Variants in RNF150 observed in about 807,000 individuals in gnomAD.
RNF150 encodes the protein ring finger protein 150.
In RNF150, 24 loss-of-function variants were observed where a neutral mutation model predicts 39.3. The ratio of observed to expected loss-of-function variants is 0.61; its 90% CI spans 0.44 to 0.86. The LOEUF (loss-of-function observed/expected upper bound fraction) is 0.86, where lower values mean the gene tolerates loss of function less well. Among genes scored for constraint, RNF150 ranks in the 40% least tolerant of loss-of-function variants. The pLI is 0.00. For missense variants in RNF150, 502 were observed against 587.8 expected (o/e 0.85, Z 1.51); for synonymous variants, 255 against 227.3 (o/e 1.12, Z -1.10).
At chr4:140,931,643 C>A (rs1731641183) in intron 4 of RNF150, among the ~76,000 whole-genome samples, 1 of 152,202 alleles carries the variant, frequency 6.6e-6, no homozygotes, top group Non-Finnish European at 1.5e-5. Context: ...AGTGAGAAAG[C>A]ACACACGGAA....
chr4:140,988,014 A>G (rs1295789011), intron 1 of RNF150, among the ~76,000 whole-genome samples: 1 of 152,172 alleles, frequency 6.6e-6, no homozygotes, highest in African/African-American at 2.4e-5. Context: ...GCTCATCATC[A>G]CTGATCATTA....
rs140827614 is a variant in RNF150, at chr4:141,098,305, C to T, written c.484+34020G>A. Among the ~76,000 whole-genome samples the T allele has an allele frequency of 2.4e-3, 364 of 152,340 alleles. 1 individual carries two copies. The highest frequency in any genetic ancestry group is 3.4e-3 in the Middle Eastern group (1 of 294). On this transcript the variant is annotated intron_variant, in intron 1 of 6. Coordinates refer to ENST00000515673, the MANE Select transcript of RNF150 (RefSeq NM_020724.2). ...CTACTCTTCTGTACCCTCCAGCTCTCGGCCTCTGCCCTTGCCAGTGCACAG... is the reference window on the plus strand; with the variant it reads ...CTACTCTTCTGTACCCTCCAGCTCTTGGCCTCTGCCCTTGCCAGTGCACAG...
At position 141,132,200 on chromosome 4, in the gene RNF150, G is replaced by A. The variant is rs551828561; in HGVS notation, c.484+125C>T. 2 of 994,404 alleles carry A rather than the reference G, an allele frequency of 2.0e-6. No individual in the cohort carries two copies. Among genetic ancestry groups the A allele is most frequent in the South Asian group, 1.6e-5 (1 of 61,352 alleles). 61.6% of individuals were successfully genotyped at this position (994,404 alleles called of 1,614,324 possible). ...GCGGAGCAAAACTTAATCGGTCCAG[G>A]GAACCCAGACACGTCTTCCGCGCCG... is the stretch of plus-strand genomic sequence containing the variant. On this transcript the variant is annotated intron_variant, in intron 1 of 6. Transcript: ENST00000515673. The surrounding 1 kb of genome is among the most constrained non-coding windows in gnomAD (Gnocchi z 4.9).
intron 5 of RNF150, among the ~76,000 whole-genome samples, chr4:140,919,579 A>G (rs1731013488): frequency 6.6e-6 from 1 of 150,950 alleles, no homozygotes; most frequent in Non-Finnish European, 1.5e-5. Flanking sequence ...CATGGGTAGG[A>G]AGAATCAATA....
At chr4:140,928,565 G>A (rs1731487814) in intron 4 of RNF150, among the ~76,000 whole-genome samples, 1 of 151,864 alleles carries the variant, frequency 6.6e-6, no homozygotes, top group South Asian at 2.1e-4. Flanking sequence ...TTCTTTTTTT[G>A]AGACGGAGTC....
intron 5 of RNF150, among the ~76,000 whole-genome samples, chr4:140,922,893 G>T (rs1187602703): frequency 6.6e-6 from 1 of 150,726 alleles, no homozygotes; most frequent in Non-Finnish European, 1.5e-5. Flanking sequence ...TTAATAAACG[G>T]TGCTGGGAAA....
At chr4:141,075,611 C>T (rs1737865822) in intron 1 of RNF150, among the ~76,000 whole-genome samples, 1 of 152,188 alleles carries the variant, frequency 6.6e-6, no homozygotes, top group African/African-American at 2.4e-5. Context: ...TTTTTATATT[C>T]ACTGCAGCTT....
intron 1 of RNF150, among the ~76,000 whole-genome samples, chr4:141,017,411 T>C (rs762955850): frequency 6.6e-6 from 1 of 152,092 alleles, no homozygotes. Context: ...CCTTACACAC[T>C]CTTCCTACTT....
intron 6 of RNF150, among the ~76,000 whole-genome samples, chr4:140,899,974 C>CTCTCTCTCTCTGTGTGTGTGTGTG (rs1365683071): frequency 7.2e-5 from 5 of 69,220 alleles, no homozygotes; most frequent in African/African-American, 2.2e-4. Flanking sequence ...CTCTCTCTCT[C>CTCTCTCTCTCTGTGTGTGTGTGTG]TGTGTGTGTG....
At chr4:141,067,629 A>G (rs1737513784) in intron 1 of RNF150, among the ~76,000 whole-genome samples, 1 of 152,174 alleles carries the variant, frequency 6.6e-6, no homozygotes, top group African/African-American at 2.4e-5. Flanking sequence ...CTTTGTTCCT[A>G]ATGATCTACA....
intron 6 of RNF150, among the ~76,000 whole-genome samples, chr4:140,870,625 G>A (rs1440938666): frequency 1.3e-5 from 2 of 151,982 alleles, no homozygotes; most frequent in Non-Finnish European, 2.9e-5. Flanking sequence ...GGGTCGTGGC[G>A]TGCTGTTGTG....
rs192073108 is a variant in RNF150 at position 141,112,954 on chromosome 4, C to T, written c.484+19371G>A. ...ATTCTTTTTTCTCTAATCTTGTTTT[C>T]ACGCTTTATTTCATTAAGTTGATCT... is the stretch of plus-strand genomic sequence containing the variant. On this transcript the variant is annotated intron_variant, in intron 1 of 6. Coordinates refer to ENST00000515673, the MANE Select transcript of RNF150 (RefSeq NM_020724.2). 7.7e-3 allele frequency among the ~76,000 whole-genome samples: 1,169 copies of T among 152,104 alleles called. 5 individuals are homozygous for T. Among genetic ancestry groups the T allele is most frequent in the Non-Finnish European group, 0.013 (905 of 68,008 alleles).
In RNF150 at chr4:140,900,078, T is replaced by C. The variant is rs527833348; in HGVS notation, c.1198+11066A>G. Reference sequence around the variant, plus strand: ...AGTTTCTGCCATGATGGCAATTTATTTTGCACCAACCTAATAGCAGTGGAT... The same window carrying C: ...AGTTTCTGCCATGATGGCAATTTATCTTGCACCAACCTAATAGCAGTGGAT... On this transcript the variant is annotated intron_variant, in intron 6 of 6. Coordinates refer to ENST00000515673, the MANE Select transcript of RNF150 (RefSeq NM_020724.2). Among the ~76,000 whole-genome samples, 3 of 152,170 alleles carry C rather than the reference T, an allele frequency of 2.0e-5. No homozygotes were observed. In the South Asian group the frequency reaches 6.2e-4, roughly 32 times the overall value.
At chr4:141,135,384 G>A (rs1025600985), upstream of RNF150, among the ~76,000 whole-genome samples, 8 of 152,192 alleles carry the variant, frequency 5.3e-5, no homozygotes, top group Non-Finnish European at 1.0e-4. Context: ...CACTGGGAAA[G>A]TACAGAGTGA....
At chr4:141,047,075 T>A (rs1328938105) in intron 1 of RNF150, among the ~76,000 whole-genome samples, 1 of 152,116 alleles carries the variant, frequency 6.6e-6, no homozygotes, top group African/African-American at 2.4e-5. Context: ...CCTCAACTAG[T>A]TCACATCTAA....
At position 140,926,405 on chromosome 4, in the gene RNF150, C is replaced by T. The variant is rs1449874624; in HGVS notation, c.891-332G>A. Among the ~76,000 whole-genome samples, 5 of 152,298 alleles carry T rather than the reference C, an allele frequency of 3.3e-5. No individual in the cohort carries two copies. The South Asian group carries it at 6.2e-4, about 19-fold the overall frequency. On this transcript the variant is annotated intron_variant, in intron 4 of 6. Transcript: ENST00000515673. ...TAATGCAAGTGGGGAAACTTGTACACACCTTGTAGGATGACTTGATTGATA... is the reference window on the plus strand; with the variant it reads ...TAATGCAAGTGGGGAAACTTGTACATACCTTGTAGGATGACTTGATTGATA...
chr4:141,135,748 C>T (rs1727018714), upstream of RNF150, among the ~76,000 whole-genome samples: 1 of 152,094 alleles, frequency 6.6e-6, no homozygotes, highest in African/African-American at 2.4e-5. Context: ...TGATGTGAAG[C>T]AGGATATTAG....
intron 1 of RNF150, among the ~76,000 whole-genome samples, chr4:141,013,849 AACTT>A (rs992803424): frequency 7.2e-5 from 11 of 152,148 alleles, no homozygotes; most frequent in African/African-American, 2.2e-4. Context: ...AAACATCTGA[AACTT>A]ACTGTTATTT....
intron 2 of RNF150, among the ~76,000 whole-genome samples, chr4:140,952,323 AT>A (rs1732573244): frequency 6.6e-6 from 1 of 152,142 alleles, no homozygotes. Flanking sequence ...GGGAGCCAAC[AT>A]TTTTAAAAAG....
Sources: allele counts gnomAD v4.1 joint callset (sites outside exome capture counted in the v4.1 genomes callset), GRCh38; gene constraint gnomAD v4.1.1; non-coding constraint Gnocchi (gnomAD v3.1); transcripts MANE v1.5; gene names NCBI Gene and HGNC (gene_info 2026-07-23, HGNC 2026-07-21).